SND1: variants seen among roughly 807,000 people sequenced by gnomAD.
SND1 encodes the protein staphylococcal nuclease and tudor domain containing 1.
SND1 carries 38 observed loss-of-function variants against 121.7 expected under a neutral mutation model. That is an observed-to-expected ratio of 0.31 (90% CI 0.24 to 0.41). The LOEUF (loss-of-function observed/expected upper bound fraction) is 0.41, where lower values mean the gene tolerates loss of function less well. Ranked by LOEUF, SND1 falls within the 10% of genes least tolerant of loss-of-function variation. The pLI is 1.00. For missense variants in SND1, 868 were observed against 1,184.6 expected, an observed-to-expected ratio of 0.73 and a Z score of 3.92; for synonymous variants, 401 against 447.4, an observed-to-expected ratio of 0.90 and a Z score of 1.31.
At chr7:127,801,775 A>G (rs1157060415) in intron 10 of SND1, among the ~76,000 whole-genome samples, 1 of 152,196 alleles carries the variant, frequency 6.6e-6, no homozygotes, top group Non-Finnish European at 1.5e-5. Flanking sequence ...AGGACTGTAT[A>G]TACACTTGAC....
chr7:128,035,538 G>T (rs1792732274), intron 16 of SND1, among the ~76,000 whole-genome samples: 2 of 152,242 alleles, frequency 1.3e-5, no homozygotes, highest in Admixed American at 6.5e-5. Flanking sequence ...GCTCAGAGAG[G>T]CACAGTGACT....
chr7:128,038,417 A>C (rs1279024815), intron 16 of SND1, among the ~76,000 whole-genome samples: 1 of 152,216 alleles, frequency 6.6e-6, no homozygotes, highest in Non-Finnish European at 1.5e-5. Flanking sequence ...TCACGTGTAA[A>C]GTGGGATTAA....
intron 16 of SND1, among the ~76,000 whole-genome samples, chr7:128,018,325 AC>A (rs1336796094): frequency 6.6e-6 from 1 of 152,224 alleles, no homozygotes; most frequent in Non-Finnish European, 1.5e-5. Context: ...TCTGGGTCCA[AC>A]CTTGGGCATT....
At chr7:127,945,569 C>T (rs1296079213) in intron 15 of SND1, among the ~76,000 whole-genome samples, 5 of 151,992 alleles carry the variant, frequency 3.3e-5, no homozygotes, top group Non-Finnish European at 5.9e-5. Flanking sequence ...GCCACAGCAG[C>T]CCTGCAATCA....
intron 12 of SND1, among the ~76,000 whole-genome samples, chr7:127,855,836 A>G (rs761380405): frequency 1.3e-5 from 2 of 152,186 alleles, no homozygotes; most frequent in Non-Finnish European, 2.9e-5. Flanking sequence ...TGGCCAACTC[A>G]TCCACTAATG....
intron 12 of SND1, among the ~76,000 whole-genome samples, chr7:127,848,272 TTGTG>T (rs1195810878): frequency 6.6e-6 from 1 of 152,256 alleles, no homozygotes; most frequent in Non-Finnish European, 1.5e-5. Context: ...TACACACTCT[TTGTG>T]TGCTTGTATT....
At chr7:127,897,045 G>A (rs962871191) in intron 13 of SND1, among the ~76,000 whole-genome samples, 1 of 152,044 alleles carries the variant, frequency 6.6e-6, no homozygotes, top group African/African-American at 2.4e-5. Flanking sequence ...CGGGAAATCC[G>A]CTTCATAGCT....
chr7:127,958,217 G>A (rs1016387056), intron 15 of SND1, among the ~76,000 whole-genome samples: 4 of 152,160 alleles, frequency 2.6e-5, no homozygotes, highest in African/African-American at 9.7e-5. Flanking sequence ...AAATCTCACT[G>A]GTCCCTGCTA....
Position 127,701,269 on chromosome 7 carries a change from A to G in SND1, c.535A>G (p.Thr179Ala). Residue 179 changes from threonine to alanine, a missense_variant, in exon 5 of 24, where the codon ACC becomes GCC. Thr to Ala is a moderately conservative substitution (Grantham distance 58). Transcript: ENST00000354725. ...GSHTIRDLKY[T>A]IENPRHFVDS... ...ACATACTATCCGGGATCTCAAGTAT[A>G]CCATTGAAAACCCAAGGCACTTTGT... is the stretch of plus-strand genomic sequence containing the variant. 1 of 1,614,138 alleles carries G rather than the reference A, an allele frequency of 6.2e-7. No individual in the cohort carries two copies. Among genetic ancestry groups the G allele is most frequent in the African/African-American group, 1.3e-5 (1 of 75,050 alleles).
chr7:127,799,574 C>A (rs2116560428), intron 10 of SND1, among the ~76,000 whole-genome samples: 1 of 152,352 alleles, frequency 6.6e-6, no homozygotes, highest in African/African-American at 2.4e-5. Context: ...TAGTTATCTT[C>A]ATAATCACCT....
chr7:127,815,489 C>G (rs780284837), intron 11 of SND1, among the ~76,000 whole-genome samples: 3 of 151,512 alleles, frequency 2.0e-5, no homozygotes, highest in Admixed American at 1.3e-4. Context: ...GACCCCAACT[C>G]TAGAAGAAGA....
intron 16 of SND1, among the ~76,000 whole-genome samples, chr7:127,994,950 C>T (rs1802612023): frequency 1.3e-5 from 2 of 152,022 alleles, no homozygotes; most frequent in South Asian, 4.2e-4. Flanking sequence ...TCTCGAACTC[C>T]TGACCTTGTG....
intron 16 of SND1, among the ~76,000 whole-genome samples, chr7:128,031,229 T>C (rs1267437671): frequency 6.6e-6 from 1 of 151,966 alleles, no homozygotes; most frequent in African/African-American, 2.4e-5. Context: ...CTTCCCGGCT[T>C]TGTCCTTGGA....
intron 11 of SND1, among the ~76,000 whole-genome samples, chr7:127,828,522 T>G (rs138144968): frequency 6.6e-6 from 1 of 152,298 alleles, no homozygotes; most frequent in Admixed American, 6.5e-5. Flanking sequence ...TTCTAGTGTT[T>G]GAAAGTTGGT....
rs116251045 is a variant in SND1, at chr7:127,907,001, A to C, written c.1527+2182A>C. Among the ~76,000 whole-genome samples the C allele has an allele frequency of 5.9e-3, 900 of 152,250 alleles. 16 individuals carry two copies. The highest frequency in any genetic ancestry group is 0.021 in the African/African-American group (858 of 41,532). On this transcript the variant is annotated intron_variant, in intron 14 of 23. Coordinates refer to ENST00000354725, the MANE Select transcript of SND1 (RefSeq NM_014390.4). ...TTTTTATTATCTTTTCTGTCTCAGTATTGGAGGATTGGTTTGCTCTTAAGT... is the reference window on the plus strand; with the variant it reads ...TTTTTATTATCTTTTCTGTCTCAGTCTTGGAGGATTGGTTTGCTCTTAAGT...
chr7:127,681,497 C>G (rs1795727011), intron 1 of SND1, among the ~76,000 whole-genome samples: 1 of 151,974 alleles, frequency 6.6e-6, no homozygotes, highest in Non-Finnish European at 1.5e-5. Context: ...TTATGAAGTC[C>G]AATTTATTTA....
At chr7:128,081,002 T>C (rs895454295) in intron 17 of SND1, among the ~76,000 whole-genome samples, 2 of 151,866 alleles carry the variant, frequency 1.3e-5, no homozygotes, top group Non-Finnish European at 2.9e-5. Context: ...GTCTTTTTTT[T>C]TTCTTCTTTT....
intron 15 of SND1, among the ~76,000 whole-genome samples, chr7:127,958,660 C>G (rs1801656708): frequency 6.6e-6 from 1 of 152,150 alleles, no homozygotes; most frequent in Non-Finnish European, 1.5e-5. Context: ...CACTTTCATC[C>G]ATGCTTACGT....
intron 15 of SND1, among the ~76,000 whole-genome samples, chr7:127,955,617 T>C (rs1369736288): frequency 2.0e-5 from 3 of 152,190 alleles, no homozygotes; most frequent in African/African-American, 7.2e-5. Flanking sequence ...TTTGCTGTCA[T>C]GCTTTGTTCA....
Sources: gnomAD v4.1 joint callset for allele counts (sites outside exome capture counted in the v4.1 genomes callset) on GRCh38, gnomAD v4.1.1 for gene constraint, MANE v1.5 for transcripts, NCBI Gene and HGNC (gene_info 2026-07-23, HGNC 2026-07-21) for gene names.